Variants in TBC1D30 observed in about 807,000 individuals in gnomAD.
TBC1D30 encodes TBC1 domain family, member 30.
A neutral mutation model predicts 63.2 loss-of-function variants in TBC1D30; 31 were observed. The observed-to-expected ratio is 0.49, with a 90% CI of 0.37 to 0.66. TBC1D30 has a LOEUF of 0.66. Among genes scored for constraint, TBC1D30 ranks in the 30% least tolerant of loss-of-function variants. TBC1D30 has a pLI of 0.00. For missense variants in TBC1D30, 810 were observed against 953.6 expected (o/e 0.85, Z 1.98); for synonymous variants, 307 against 361.5 (o/e 0.85, Z 1.71).
chr12:64,878,636 G>C lies in TBC1D30; in HGVS notation c.*2848G>C. On this transcript the variant is annotated 3_prime_UTR_variant, in exon 12 of 12. Transcript: ENST00000539867. ...CATAAAGATTCTCATTGTTGTAACT[G>C]TTCTGCCATTTTCTGAGTGCAAGCA... 4.6e-6 allele frequency: 2 copies of C among 436,182 alleles called. No homozygotes were observed. Among genetic ancestry groups the C allele is most frequent in the Non-Finnish European group, 9.3e-6 (2 of 215,060 alleles). The allele number at this position is 436,182 out of a possible 1,614,324, so 27.0% of individuals were successfully genotyped here.
chr12:64,828,618 C>G, intron 3 of TBC1D30, 109 bp downstream of exon 3: 1 of 688,536 alleles, frequency 1.5e-6, no homozygotes. Flanking sequence ...GAAAACCTGT[C>G]TTGATTATTC....
At chr12:64,823,312 A>G (rs2136348695), upstream of TBC1D30, among the ~76,000 whole-genome samples, 1 of 152,318 alleles carries the variant, frequency 6.6e-6, no homozygotes. Flanking sequence ...AATATGTACA[A>G]CTGTTGATGT....
chr12:64,876,690 G>C lies in TBC1D30; in HGVS notation c.*902G>C. On this transcript the variant is annotated 3_prime_UTR_variant, in exon 12 of 12. Coordinates refer to ENST00000539867, the MANE Select transcript of TBC1D30 (RefSeq NM_015279.2). Reference sequence around the variant, plus strand: ...GCACAAGGCCTCTGCTCAGAAGCCAGAACACAGCACCTGTGACTCTGTTAC... The same window carrying C: ...GCACAAGGCCTCTGCTCAGAAGCCACAACACAGCACCTGTGACTCTGTTAC... 2 of 429,324 alleles carry C rather than the reference G, an allele frequency of 4.7e-6. No individual in the cohort carries two copies. Among genetic ancestry groups the C allele is most frequent in the Non-Finnish European group, 9.4e-6 (2 of 212,184 alleles). The allele number at this position is 429,324 out of a possible 1,614,324, so 26.6% of individuals were successfully genotyped here. A position where few individuals can be genotyped will look rare whatever the true frequency, so the allele number is the denominator to read the frequency against.
In TBC1D30 at chr12:64,834,688, C is replaced by T. The variant is rs377340192; in HGVS notation, c.595-1802C>T. Among the ~76,000 whole-genome samples the T allele has an allele frequency of 3.3e-4, 49 of 147,574 alleles. No homozygotes were observed. The East Asian group carries it at 8.6e-3, about 26-fold the overall frequency. On this transcript the variant is annotated intron_variant, in intron 5 of 11. Transcript: ENST00000539867. ...TCTCCCAAAGTGCTGGGATTACAGGCATGAGCCACCGTGCCGGGCTTTTTT... is the reference window on the plus strand; with the variant it reads ...TCTCCCAAAGTGCTGGGATTACAGGTATGAGCCACCGTGCCGGGCTTTTTT...
chr12:64,850,334 T>C (rs9739580), intron 8 of TBC1D30, among the ~76,000 whole-genome samples: 29,568 of 152,172 alleles, frequency 0.19, 7,799 homozygotes, highest in African/African-American at 0.6. Flanking sequence ...TGAGAGAGGG[T>C]ATCCTTGTCT....
chr12:64,786,495 C>T (rs957443505), intron 2 of TBC1D30, among the ~76,000 whole-genome samples: 2 of 151,968 alleles, frequency 1.3e-5, no homozygotes, highest in African/African-American at 4.8e-5. Context: ...CCAGGCCTGG[C>T]TAATTTTTGT....
intron 8 of TBC1D30, among the ~76,000 whole-genome samples, chr12:64,849,072 T>A (rs1228583307): frequency 1.3e-5 from 2 of 152,254 alleles, no homozygotes; most frequent in Non-Finnish European, 2.9e-5. Context: ...ATAAGTGTCT[T>A]CTTTTGAGAA....
chr12:64,781,019 T>C (rs1230805355), exon 1 of TBC1D30: 1 of 1,032,630 alleles, frequency 9.7e-7, no homozygotes, highest in East Asian at 1.1e-4. Flanking sequence ...CGGCGAGGCG[T>C]GCGGCGGCCG....
intron 2 of TBC1D30, among the ~76,000 whole-genome samples, chr12:64,813,766 A>G (rs1475229135): frequency 6.6e-6 from 1 of 152,198 alleles, no homozygotes; most frequent in Middle Eastern, 3.2e-3. Context: ...AGTTGGATAA[A>G]AAGTCCTTTT....
intron 2 of TBC1D30, among the ~76,000 whole-genome samples, chr12:64,814,036 A>C (rs2136333925): frequency 6.6e-6 from 1 of 152,172 alleles, no homozygotes; most frequent in South Asian, 2.1e-4. Context: ...TACCATTTGG[A>C]ATACAGGTGT....
At chr12:64,863,759 C>A (rs1287778594) in intron 8 of TBC1D30, among the ~76,000 whole-genome samples, 3 of 152,152 alleles carry the variant, frequency 2.0e-5, no homozygotes, top group African/African-American at 7.2e-5. Flanking sequence ...TTGGCACATG[C>A]CAAATTAGAC....
chr12:64,828,544 A>G (rs1874564956), intron 3 of TBC1D30, 35 bp downstream of exon 3: 1 of 1,388,622 alleles, frequency 7.2e-7, no homozygotes, highest in African/African-American at 1.4e-5. Flanking sequence ...ATACAGAAGG[A>G]TCATCACTGC....
At chr12:64,804,165 CG>C (rs1872733484) in intron 2 of TBC1D30, among the ~76,000 whole-genome samples, 1 of 152,140 alleles carries the variant, frequency 6.6e-6, no homozygotes, top group African/African-American at 2.4e-5. Context: ...TCTTTTATTT[CG>C]TTGAGCAGTG....
At chr12:64,776,340 T>A (rs1871079985), upstream of TBC1D30, among the ~76,000 whole-genome samples, 1 of 151,734 alleles carries the variant, frequency 6.6e-6, no homozygotes, top group South Asian at 2.1e-4. Flanking sequence ...TTTGAAAAAA[T>A]TAATAAGATA....
At chr12:64,836,170 G>T (rs546043126) in intron 5 of TBC1D30, among the ~76,000 whole-genome samples, 14 of 152,306 alleles carry the variant, frequency 9.2e-5, no homozygotes, top group Admixed American at 9.1e-4. Context: ...ACAAGCTTGG[G>T]CTTTGTCATT....
chr12:64,863,151 A>G (rs1006596823), intron 8 of TBC1D30, among the ~76,000 whole-genome samples: 33 of 152,210 alleles, frequency 2.2e-4, no homozygotes, highest in Admixed American at 2.2e-3. Flanking sequence ...GGATGTATTA[A>G]GAATAATACA....
intron 7 of TBC1D30, among the ~76,000 whole-genome samples, chr12:64,842,780 G>C (rs2094736820): frequency 6.6e-6 from 1 of 152,146 alleles, no homozygotes; most frequent in African/African-American, 2.4e-5. Flanking sequence ...TCTAACGAGT[G>C]GTGGGAATTC....
At chr12:64,836,433 C>A (rs183109326) in intron 5 of TBC1D30, 57 bp from the exon 6 acceptor site, 1 of 1,364,208 alleles carries the variant, frequency 7.3e-7, no homozygotes, top group Non-Finnish European at 1.0e-6. Flanking sequence ...CTCTTTAGGA[C>A]GTGTTGGGAT....
chr12:64,782,174 A>G (rs1353250210), intron 1 of TBC1D30, among the ~76,000 whole-genome samples: 1 of 152,000 alleles, frequency 6.6e-6, no homozygotes, highest in Non-Finnish European at 1.5e-5. Flanking sequence ...CTCCATTTAC[A>G]AAATGAGGTG....
Sources: gnomAD v4.1 joint callset for allele counts (sites outside exome capture counted in the v4.1 genomes callset) on GRCh38, gnomAD v4.1.1 for gene constraint, MANE v1.5 for transcripts, NCBI Gene and HGNC (gene_info 2026-07-23, HGNC 2026-07-21) for gene names.